Variants in WFDC1 observed in about 807,000 individuals in gnomAD.
The protein encoded by WFDC1 is WAP four-disulfide core domain 1, also known as WAP four-disulfide core domain protein 1.
WFDC1 carries 39 observed loss-of-function variants against 32.9 expected under a neutral mutation model. The ratio of observed to expected loss-of-function variants is 1.19; its 90% CI spans 0.92 to 1.55. The LOEUF is 1.55. Among genes scored for constraint, WFDC1 ranks in the 40% most tolerant of loss-of-function variants. The pLI, the probability that WFDC1 is intolerant of heterozygous loss-of-function variation, is 0.00. For missense variants in WFDC1, 386 were observed against 309.5 expected, an observed-to-expected ratio of 1.25 and a Z score of -1.85; for synonymous variants, 184 against 137.4, an observed-to-expected ratio of 1.34 and a Z score of -2.37.
rs533457292 is a variant in WFDC1 at position 84,318,214 on chromosome 16, G to A, written c.338-58G>A. 8 of 1,578,486 alleles carry A rather than the reference G, an allele frequency of 5.1e-6. No homozygotes were observed. In the East Asian group the frequency reaches 1.3e-4, roughly 27 times the overall value. On this transcript the variant is annotated intron_variant, in intron 2 of 6. Coordinates refer to ENST00000219454, the MANE Select transcript of WFDC1 (RefSeq NM_021197.4). ...AAGTTGGGGTGCCCCCAGCCCCCAA[G>A]CCTGGGCGTTTCTCAGCTGCTTGAG...
At chr16:84,316,070 GCA>G (rs1388165257) in intron 2 of WFDC1, 1 of 152,246 alleles carries the variant, frequency 6.6e-6, no homozygotes, top group Non-Finnish European at 1.5e-5. Context: ...AATACAAACA[GCA>G]CATATTACTA....
At chr16:84,326,607 C>T (rs1022440645) in intron 5 of WFDC1, 9 of 427,090 alleles carry the variant, frequency 2.1e-5, no homozygotes, top group East Asian at 1.9e-4. Context: ...CTCTTGAGGT[C>T]GGAAGCAATT....
At chr16:84,315,827 C>G (rs244790) in intron 2 of WFDC1, among the ~76,000 whole-genome samples, 118,223 of 152,090 alleles carry the variant, frequency 0.78, 46,856 homozygotes, top group East Asian at 0.94. Flanking sequence ...TCATTGCCAT[C>G]TGGATTTGGG....
intron 5 of WFDC1, among the ~76,000 whole-genome samples, chr16:84,324,686 G>A (rs2151380367): frequency 6.6e-6 from 1 of 152,290 alleles, no homozygotes; most frequent in East Asian, 1.9e-4. Context: ...AGCAGAGCCT[G>A]GAACTGCTCA....
At position 84,307,026 on chromosome 16, in the gene WFDC1, G is replaced by A. The variant is rs1258249297; in HGVS notation, c.145-5935G>A. Reference sequence around the variant, plus strand: ...CTGTATGAGCAGATCCCAGGTAGGTGAGAGCCGGGCAGATATGGTGGGTGG... The same window carrying A: ...CTGTATGAGCAGATCCCAGGTAGGTAAGAGCCGGGCAGATATGGTGGGTGG... On this transcript the variant is annotated intron_variant, in intron 1 of 6. Coordinates refer to ENST00000219454, the MANE Select transcript of WFDC1 (RefSeq NM_021197.4). Among the ~76,000 whole-genome samples the A allele has an allele frequency of 2.0e-5, 3 of 152,270 alleles. No individual in the cohort carries two copies. The East Asian group carries it at 5.8e-4, about 29-fold the overall frequency.
At chr16:84,318,763 G>C in intron 3 of WFDC1, 1 of 225,744 alleles carries the variant, frequency 4.4e-6, no homozygotes, top group East Asian at 9.3e-5. Context: ...GGGGCCTGGA[G>C]GCCTAGGAGG....
chr16:84,324,977 A>G (rs1474033605), intron 5 of WFDC1, among the ~76,000 whole-genome samples: 2 of 151,444 alleles, frequency 1.3e-5, no homozygotes, highest in Non-Finnish European at 2.9e-5. Context: ...CTATCAATCT[A>G]TTCATCCATC....
chr16:84,307,229 G>A (rs1271338943), intron 1 of WFDC1, among the ~76,000 whole-genome samples: 1 of 152,120 alleles, frequency 6.6e-6, no homozygotes, highest in Non-Finnish European at 1.5e-5. Flanking sequence ...ATGGGGCCAG[G>A]GATAAATTGG....
chr16:84,305,489 G>T (rs745951850), intron 1 of WFDC1, among the ~76,000 whole-genome samples: 15 of 152,228 alleles, frequency 9.9e-5, no homozygotes, highest in Admixed American at 9.2e-4. Context: ...ACTGTTGCTG[G>T]TGGGTTTCTC....
In WFDC1 at chr16:84,299,611, C is replaced by T. The variant is rs573869187; in HGVS notation, c.144+4496C>T. 7.9e-5 allele frequency among the ~76,000 whole-genome samples: 12 copies of T among 152,318 alleles called. No homozygotes were observed. The East Asian group carries it at 9.7e-4, about 12-fold the overall frequency. The stretch of plus-strand genomic sequence containing the variant: ...TCAGGGCAAGAGTTTGCCACGTATT[C>T]GCTCTTGGGAGCCTCTCGACAAATC... On this transcript the variant is annotated intron_variant, in intron 1 of 6. Transcript: ENST00000219454.
In WFDC1 at chr16:84,318,459, G is replaced by A. The variant is rs563744221; in HGVS notation, c.421+104G>A. ...ACCAGGCCGGCTGTCCCCCATGCACGGGCCCTTCAGCCAAACACTCAGCCC... is the reference window on the plus strand; with the variant it reads ...ACCAGGCCGGCTGTCCCCCATGCACAGGCCCTTCAGCCAAACACTCAGCCC... On this transcript the variant is annotated intron_variant, in intron 3 of 6. Transcript: ENST00000219454. The A allele has an allele frequency of 3.6e-4, 390 of 1,073,784 alleles. 1 individual carries two copies. The African/African-American group carries it at 5.1e-3, about 14-fold the overall frequency. 66.5% of individuals were successfully genotyped at this position (1,073,784 alleles called of 1,614,324 possible).
At chr16:84,302,806 C>T (rs953115075) in intron 1 of WFDC1, among the ~76,000 whole-genome samples, 11 of 152,168 alleles carry the variant, frequency 7.2e-5, no homozygotes, top group African/African-American at 2.7e-4. Flanking sequence ...TCTTCTGGTT[C>T]AACTCGGAAC....
chr16:84,327,231 C>T (rs1346477426), intron 6 of WFDC1: 2 of 389,556 alleles, frequency 5.1e-6, no homozygotes, highest in Non-Finnish European at 9.6e-6. Flanking sequence ...CACTCTGTCA[C>T]CCAGGCTGGA....
intron 1 of WFDC1, among the ~76,000 whole-genome samples, chr16:84,311,291 C>G (rs1266084958): frequency 6.6e-6 from 1 of 151,642 alleles, no homozygotes; most frequent in African/African-American, 2.4e-5. Flanking sequence ...GTCACCCAGC[C>G]TGGAGTGCAA....
chr16:84,298,876 G>A (rs1906765395), intron 1 of WFDC1, among the ~76,000 whole-genome samples: 1 of 152,182 alleles, frequency 6.6e-6, no homozygotes, highest in Non-Finnish European at 1.5e-5. Flanking sequence ...CGGGTCTCCC[G>A]CCTTCTATCT....
intron 1 of WFDC1, among the ~76,000 whole-genome samples, chr16:84,306,452 C>T (rs958380129): frequency 3.9e-5 from 6 of 152,134 alleles, no homozygotes; most frequent in Non-Finnish European, 5.9e-5. Flanking sequence ...GGAGGAGCAG[C>T]GAATCCTCAG....
chr16:84,313,281 G>C, intron 2 of WFDC1, 128 bp downstream of exon 2: 1 of 834,224 alleles, frequency 1.2e-6, no homozygotes, highest in Non-Finnish European at 1.6e-6. Flanking sequence ...CGCCTCCACT[G>C]CGCACCTGTG....
intron 2 of WFDC1, among the ~76,000 whole-genome samples, chr16:84,313,844 C>G (rs1052569935): frequency 3.3e-5 from 5 of 152,186 alleles, no homozygotes; most frequent in African/African-American, 1.2e-4. Context: ...GAGTTCAAGA[C>G]CAGTCTGGGC....
At chr16:84,298,336 C>A (rs1365880814) in intron 1 of WFDC1, among the ~76,000 whole-genome samples, 1 of 152,076 alleles carries the variant, frequency 6.6e-6, no homozygotes, top group Non-Finnish European at 1.5e-5. Flanking sequence ...CTCAGGTGAT[C>A]CGCCCGCCTC....
Sources: gnomAD v4.1 joint callset for allele counts (sites outside exome capture counted in the v4.1 genomes callset) on GRCh38, gnomAD v4.1.1 for gene constraint, MANE v1.5 for transcripts, NCBI Gene and HGNC (gene_info 2026-07-23, HGNC 2026-07-21) for gene names.